The following GLI2 variants were observed in gnomAD, a reference collection of about 807,000 sequenced individuals.
GLI2 encodes transcription activator GLI2.
GLI2 carries 22 observed loss-of-function variants against 78.9 expected under a neutral mutation model. The observed-to-expected ratio is 0.28, with a 90% confidence interval of 0.20 to 0.40. GLI2 has a LOEUF of 0.40. Among genes scored for constraint, GLI2 ranks in the 10% least tolerant of loss-of-function variants. The pLI is 1.00. For synonymous variants in GLI2, 974 were observed against 963.7 expected (o/e 1.01, Z -0.20); for missense variants, 2,097 against 2,213.2 (o/e 0.95, Z 1.05).
intron 5 of GLI2, among the ~76,000 whole-genome samples, chr2:120,959,983 C>T (rs1681465256): frequency 6.6e-6 from 1 of 152,180 alleles, no homozygotes; most frequent in Non-Finnish European, 1.5e-5. Flanking sequence ...TGTGCAGGCG[C>T]AGGGGGCCTG....
At chr2:120,949,878 A>G (rs867532327) in intron 3 of GLI2, among the ~76,000 whole-genome samples, 6 of 152,164 alleles carry the variant, frequency 3.9e-5, no homozygotes, top group Non-Finnish European at 5.9e-5. Flanking sequence ...TTCATGCACT[A>G]TTGAGCATGA....
At chr2:120,865,840 C>T (rs140317754) in intron 2 of GLI2, among the ~76,000 whole-genome samples, 173 of 152,370 alleles carry the variant, frequency 1.1e-3, no homozygotes, top group Non-Finnish European at 1.8e-3. Context: ...AAGGCTTTGC[C>T]ATGCGTCCCA....
chr2:120,751,697 G>A (rs551411972), intron 1 of GLI2, among the ~76,000 whole-genome samples: 4 of 152,156 alleles, frequency 2.6e-5, no homozygotes, highest in South Asian at 4.2e-4. Context: ...AGTTCCTTCT[G>A]GGCCTTTTTC....
intron 5 of GLI2, among the ~76,000 whole-genome samples, chr2:120,961,758 A>G (rs999157726): frequency 1.3e-5 from 2 of 152,198 alleles, no homozygotes; most frequent in Non-Finnish European, 2.9e-5. Context: ...TGGGCTATGC[A>G]GGGAACACAT....
intron 1 of GLI2, among the ~76,000 whole-genome samples, chr2:120,763,432 G>C (rs1683275428): frequency 1.3e-5 from 2 of 152,226 alleles, no homozygotes; most frequent in African/African-American, 4.8e-5. Context: ...AGAAAGCCTG[G>C]GGAAGTGGGG....
chr2:120,809,160 T>C (rs983792915), intron 2 of GLI2, among the ~76,000 whole-genome samples: 2 of 152,340 alleles, frequency 1.3e-5, no homozygotes, highest in South Asian at 2.1e-4. Context: ...GTGGTATGTA[T>C]GTACAATGGA....
intron 1 of GLI2, among the ~76,000 whole-genome samples, chr2:120,796,588 A>G (rs1684406238): frequency 1.3e-5 from 2 of 152,202 alleles, no homozygotes; most frequent in African/African-American, 4.8e-5. Flanking sequence ...GAGGCCTGGC[A>G]GCGCTGCCCC....
At chr2:120,771,049 A>G (rs573673640) in intron 1 of GLI2, among the ~76,000 whole-genome samples, 202 of 152,346 alleles carry the variant, frequency 1.3e-3, no homozygotes, top group African/African-American at 4.8e-3. Context: ...GTGGCAGCGA[A>G]TCAGAGACTT....
chr2:120,978,742 T>A (rs939936876), intron 10 of GLI2, among the ~76,000 whole-genome samples, 159 bp downstream of exon 10: 2 of 152,192 alleles, frequency 1.3e-5, no homozygotes, highest in African/African-American at 2.4e-5. Context: ...CCTGCCTGTT[T>A]GGGTCCTGGA....
chr2:120,893,304 C>T (rs1677769576), intron 2 of GLI2, among the ~76,000 whole-genome samples: 1 of 152,204 alleles, frequency 6.6e-6, no homozygotes, highest in African/African-American at 2.4e-5. Context: ...GAGTTCTTTT[C>T]AAACCCTGGT....
intron 2 of GLI2, among the ~76,000 whole-genome samples, chr2:120,881,685 G>A (rs1205976838): frequency 1.3e-5 from 1 of 76,218 alleles, no homozygotes; most frequent in Non-Finnish European, 2.6e-5. Context: ...GCAGGTGGGG[G>A]GAGGATAGTC....
chr2:120,800,823 C>T lies in GLI2; in HGVS notation c.148+3355C>T, dbSNP rs552989943. ...ACCCGGCCGAAAGGGATGACTTATA[C>T]GAGCTTAGTGTTTCCTGACTTATTA... On this transcript the variant is annotated intron_variant, in intron 2 of 13. Coordinates refer to ENST00000361492, the MANE Select transcript of GLI2 (RefSeq NM_001374353.1). This position sits in a 1 kb window ranked among gnomAD's most constrained non-coding sequence, Gnocchi z 4.1. 7.9e-5 allele frequency among the ~76,000 whole-genome samples: 12 copies of T among 152,246 alleles called. No homozygotes were observed. The South Asian group carries it at 2.3e-3, about 29-fold the overall frequency.
At chr2:120,916,387 C>G (rs918144047) in intron 2 of GLI2, among the ~76,000 whole-genome samples, 4 of 152,258 alleles carry the variant, frequency 2.6e-5, no homozygotes, top group Non-Finnish European at 4.4e-5. Context: ...TCCGCACTGC[C>G]CTGAGCCTGA....
chr2:120,833,204 A>G (rs761151771), intron 2 of GLI2, among the ~76,000 whole-genome samples: 1 of 151,336 alleles, frequency 6.6e-6, no homozygotes, highest in Non-Finnish European at 1.5e-5. Flanking sequence ...GCTTGTGCCT[A>G]AGGCCTCCAG....
intron 2 of GLI2, among the ~76,000 whole-genome samples, chr2:120,895,900 C>T (rs931011541): frequency 6.6e-6 from 1 of 152,140 alleles, no homozygotes; most frequent in Non-Finnish European, 1.5e-5. Flanking sequence ...CTAACCAACA[C>T]CTTGATATTT....
At chr2:120,808,074 C>T (rs1224527140) in intron 2 of GLI2, among the ~76,000 whole-genome samples, 1 of 152,210 alleles carries the variant, frequency 6.6e-6, no homozygotes. Context: ...AGCCAGGCCT[C>T]TGGGCAGAGC....
chr2:120,884,622 C>G (rs1330515178), intron 2 of GLI2, among the ~76,000 whole-genome samples: 1 of 152,192 alleles, frequency 6.6e-6, no homozygotes, highest in South Asian at 2.1e-4. Flanking sequence ...TCACTTCCCC[C>G]ACGCTGGAGA....
In GLI2 at chr2:120,971,964, C is replaced by G. The variant is rs138680216; in HGVS notation, c.1083C>G (p.Ala361=). The G allele has an allele frequency of 6.2e-7, 1 of 1,613,666 alleles. No homozygotes were observed. The highest frequency in any genetic ancestry group is 2.2e-5 in the East Asian group (1 of 44,884). ...AGAACAAGCAGAGCAGTGAGTCGGC[C>G]GTCAGCAGCACCGTCAACCCTGTCG... The part of the protein sequence containing the change: ...TNQNKQSSES[A]VSSTVNPVAI... The change falls in exon 8 of 14, where the codon GCC becomes GCG. Residue 361 remains alanine, a synonymous_variant. Transcript: ENST00000361492.
intron 7 of GLI2, 121 bp from the exon 8 acceptor site, chr2:120,971,820 T>C: frequency 1.1e-6 from 1 of 885,622 alleles, no homozygotes; most frequent in Non-Finnish European, 1.9e-6. Context: ...TTCTGATACT[T>C]TAAACACAGG....
Sources: allele counts gnomAD v4.1 joint callset (sites outside exome capture counted in the v4.1 genomes callset), GRCh38; gene constraint gnomAD v4.1.1; non-coding constraint Gnocchi (gnomAD v3.1); transcripts MANE v1.5; gene names NCBI Gene and HGNC (gene_info 2026-07-23, HGNC 2026-07-21).